The following COBL variants were observed in gnomAD, a reference collection of about 807,000 sequenced individuals.
COBL encodes the protein cordon-bleu WH2 repeat protein, also known as protein cordon-bleu.
COBL carries 51 observed loss-of-function variants against 98.8 expected under a neutral mutation model. That is an observed-to-expected ratio of 0.52 (90% CI 0.41 to 0.65). The LOEUF is 0.65. Ranked by LOEUF, COBL falls within the 30% of genes least tolerant of loss-of-function variation. The pLI is 0.00. For missense variants in COBL, 1,617 were observed against 1,617.5 expected (o/e 1.00, Z 0.01); for synonymous variants, 634 against 651.7 (o/e 0.97, Z 0.41).
At chr7:51,292,712 C>G (rs956575644) in intron 1 of COBL, among the ~76,000 whole-genome samples, 1 of 152,240 alleles carries the variant, frequency 6.6e-6, no homozygotes, top group Non-Finnish European at 1.5e-5. Context: ...GTTCTGTCCC[C>G]TCCTCCCTCC....
At chr7:51,259,250 G>A (rs1044144709) in intron 1 of COBL, among the ~76,000 whole-genome samples, 7 of 145,050 alleles carry the variant, frequency 4.8e-5, no homozygotes, top group Non-Finnish European at 8.9e-5. Context: ...TCACACAACC[G>A]CACTCCAGGC....
chr7:51,018,905 A>AAAAT (rs1554345519), intron 12 of COBL, among the ~76,000 whole-genome samples: 18 of 34,434 alleles, frequency 5.2e-4, no homozygotes, highest in Non-Finnish European at 6.4e-4. Context: ...AAAAAAAAAA[A>AAAAT]ATATATATAT....
intron 2 of COBL, among the ~76,000 whole-genome samples, chr7:51,205,878 C>T (rs1791650120): frequency 6.6e-6 from 1 of 151,968 alleles, no homozygotes; most frequent in South Asian, 2.1e-4. Context: ...CAAATAACTC[C>T]CTTAAAATGG....
chr7:51,031,726 C>T (rs1788166957), intron 8 of COBL: 1 of 152,286 alleles, frequency 6.6e-6, no homozygotes, highest in Non-Finnish European at 1.5e-5. Flanking sequence ...TGGCTTAATT[C>T]CTACCCTTGG....
At chr7:51,092,753 T>C (rs927781436) in intron 6 of COBL, among the ~76,000 whole-genome samples, 42 of 152,208 alleles carry the variant, frequency 2.8e-4, no homozygotes, top group African/African-American at 9.9e-4. Flanking sequence ...TGCTCAAGAT[T>C]TGGATTCTTT....
chr7:51,293,679 C>T (rs942468252), intron 1 of COBL, among the ~76,000 whole-genome samples: 1 of 152,142 alleles, frequency 6.6e-6, no homozygotes, highest in Non-Finnish European at 1.5e-5. Flanking sequence ...GTTTATTGTA[C>T]ATAAATATCC....
At chr7:51,309,107 G>A (rs889385812) in intron 1 of COBL, among the ~76,000 whole-genome samples, 2 of 152,070 alleles carry the variant, frequency 1.3e-5, no homozygotes, top group East Asian at 1.9e-4. Context: ...ACGTTCCCCC[G>A]GCCCTCACAG....
At chr7:51,255,968 G>A (rs1022552932) in intron 1 of COBL, among the ~76,000 whole-genome samples, 32 of 152,214 alleles carry the variant, frequency 2.1e-4, no homozygotes, top group African/African-American at 6.5e-4. Flanking sequence ...CTGGGGACCC[G>A]GGCCAGCACC....
rs180926226 is a variant in COBL, at chr7:51,297,926, C to T, written c.41+18667G>A. On this transcript the variant is annotated intron_variant, in intron 1 of 12. Transcript: ENST00000265136. ...AAGACCATATTGCCCTATGGTAAGT[C>T]AAAGTATGACCACAAATGTTTCAGA... 3.4e-3 allele frequency among the ~76,000 whole-genome samples: 512 copies of T among 152,268 alleles called. 2 individuals are homozygous for T. The highest frequency in any genetic ancestry group is 5.5e-3 in the Non-Finnish European group (377 of 68,020).
intron 6 of COBL, among the ~76,000 whole-genome samples, chr7:51,095,522 A>G (rs920366109): frequency 6.6e-6 from 1 of 152,224 alleles, no homozygotes; most frequent in Non-Finnish European, 1.5e-5. Flanking sequence ...GTCCTTCTCT[A>G]TTAGTAAATA....
At chr7:51,206,556 T>C (rs1313301737) in intron 2 of COBL, among the ~76,000 whole-genome samples, 1 of 151,704 alleles carries the variant, frequency 6.6e-6, no homozygotes, top group Non-Finnish European at 1.5e-5. Context: ...CTCCCATATC[T>C]ATTGCAGCGC....
intron 2 of COBL, among the ~76,000 whole-genome samples, chr7:51,212,007 G>T (rs770936712): frequency 8.5e-5 from 13 of 152,150 alleles, no homozygotes; most frequent in Non-Finnish European, 1.3e-4. Flanking sequence ...GGTGGAGGGG[G>T]TTATGAGAGC....
chr7:51,198,438 A>AT (rs2129062534), intron 2 of COBL, among the ~76,000 whole-genome samples: 1 of 151,810 alleles, frequency 6.6e-6, no homozygotes, highest in East Asian at 1.9e-4. Flanking sequence ...TGCCTTTAAC[A>AT]TTTTTTCTTT....
At chr7:51,140,445 C>T (rs1291171251) in intron 5 of COBL, among the ~76,000 whole-genome samples, 1 of 152,172 alleles carries the variant, frequency 6.6e-6, no homozygotes, top group African/African-American at 2.4e-5. Context: ...ATCTGAGTGC[C>T]AGCTCAAAAT....
At chr7:51,155,018 A>G (rs1733280132) in intron 5 of COBL, among the ~76,000 whole-genome samples, 1 of 152,224 alleles carries the variant, frequency 6.6e-6, no homozygotes, top group South Asian at 2.1e-4. Flanking sequence ...CAGAAATAAT[A>G]GCAATAATAT....
intron 6 of COBL, among the ~76,000 whole-genome samples, chr7:51,092,730 C>T (rs1311406708): frequency 1.3e-5 from 2 of 152,092 alleles, no homozygotes; most frequent in Admixed American, 6.5e-5. Context: ...GATGCCTCCA[C>T]CTTTGTTCTT....
At chr7:51,074,508 C>T (rs1281001745) in intron 7 of COBL, among the ~76,000 whole-genome samples, 2 of 152,152 alleles carry the variant, frequency 1.3e-5, no homozygotes, top group Non-Finnish European at 2.9e-5. Context: ...AACTTCAAAC[C>T]ATTGTTGAAA....
chr7:51,094,052 A>G (rs1795063565), intron 6 of COBL, among the ~76,000 whole-genome samples: 1 of 151,808 alleles, frequency 6.6e-6, no homozygotes, highest in African/African-American at 2.4e-5. Context: ...CAGCCTTTAA[A>G]AAGAAGAAAA....
chr7:51,071,955 G>C (rs1336687926), intron 7 of COBL: 2 of 149,400 alleles, frequency 1.3e-5, no homozygotes, highest in Non-Finnish European at 3.0e-5. Context: ...GTTTCATTGT[G>C]AGTAATTTCT....
Sources: allele counts gnomAD v4.1 joint callset (sites outside exome capture counted in the v4.1 genomes callset), GRCh38; gene constraint gnomAD v4.1.1; transcripts MANE v1.5; gene names NCBI Gene and HGNC (gene_info 2026-07-23, HGNC 2026-07-21).